SDCBP: variants seen among roughly 807,000 people sequenced by gnomAD.
SDCBP encodes syntenin-1.
In SDCBP, 22 loss-of-function variants were observed where a neutral mutation model predicts 30.5. The observed-to-expected ratio is 0.72, with a 90% CI of 0.52 to 1.03. SDCBP has a LOEUF of 1.03. SDCBP is among the 50% of genes least tolerant of loss of function. SDCBP has a pLI of 0.00. For missense variants in SDCBP, 304 were observed against 369.9 expected, an observed-to-expected ratio of 0.82 and a Z score of 1.46; for synonymous variants, 103 against 118.7, an observed-to-expected ratio of 0.87 and a Z score of 0.86.
chr8:58,570,797 T>G lies in SDCBP; in HGVS notation c.52-90T>G, dbSNP rs1002896513. 5 of 827,254 alleles carry G rather than the reference T, an allele frequency of 6.0e-6. No homozygotes were observed. The Admixed American group carries it at 1.2e-4, about 19-fold the overall frequency. 51.2% of individuals were successfully genotyped at this position (827,254 alleles called of 1,614,324 possible). A position where few individuals can be genotyped will look rare whatever the true frequency, so the allele number is the denominator to read the frequency against. On this transcript the variant is annotated intron_variant, in intron 2 of 8. Coordinates refer to ENST00000260130, the MANE Select transcript of SDCBP (RefSeq NM_005625.4). ...ATAAATCTTCATTGTTTTAGTTTCT[T>G]TTTGGAAGTACTGGATTTAGCTTAT...
intron 4 of SDCBP, among the ~76,000 whole-genome samples, chr8:58,572,798 A>ATTT (rs1805098884): frequency 8.6e-6 from 1 of 116,744 alleles, no homozygotes; most frequent in Non-Finnish European, 1.7e-5. Flanking sequence ...GTTGCTCATA[A>ATTT]TCTTTTTTTT....
chr8:58,571,062 C>A, intron 3 of SDCBP, 97 bp downstream of exon 3: 1 of 814,934 alleles, frequency 1.2e-6, no homozygotes, highest in Non-Finnish European at 2.0e-6. Flanking sequence ...GGACAGGCTG[C>A]ATAAAATTGG....
intron 7 of SDCBP, 102 bp downstream of exon 7, chr8:58,579,896 G>A: frequency 8.9e-7 from 1 of 1,125,608 alleles, no homozygotes; most frequent in Non-Finnish European, 1.2e-6. Flanking sequence ...TTAGGTGGGA[G>A]ATGGGGAACG....
At chr8:58,576,756 T>C (rs985918878) in intron 5 of SDCBP, among the ~76,000 whole-genome samples, 5 of 152,242 alleles carry the variant, frequency 3.3e-5, no homozygotes, top group African/African-American at 1.2e-4. Context: ...GTTGAGTCTT[T>C]ACCCCAATTT....
intron 6 of SDCBP, chr8:58,578,482 G>T: frequency 4.0e-6 from 1 of 251,782 alleles, no homozygotes; most frequent in East Asian, 9.3e-5. Flanking sequence ...GCATCTCTGG[G>T]CTCACTTTCC....
chr8:58,566,068 CTTTGATGCCTCAAAG>C (rs2129607712), intron 2 of SDCBP, among the ~76,000 whole-genome samples: 1 of 152,250 alleles, frequency 6.6e-6, no homozygotes, highest in Non-Finnish European at 1.5e-5. Flanking sequence ...GCTGCCAAGG[CTTTGATGCCTCAAAG>C]TTTCAAGTGG....
chr8:58,582,046 C>T lies in SDCBP; in HGVS notation c.*306C>T, dbSNP rs756998326. ...GCCATTGTGATTAGGATGACTGTTA[C>T]AGGCTTAGCTTTGTGTGAAAACCAG... is the stretch of plus-strand genomic sequence containing the variant. On this transcript the variant is annotated 3_prime_UTR_variant, in exon 9 of 9. Transcript: ENST00000260130. 9.9e-5 allele frequency: 34 copies of T among 343,864 alleles called. No individual in the cohort carries two copies. Among genetic ancestry groups the T allele is most frequent in the Non-Finnish European group, 1.5e-4 (27 of 184,784 alleles). The allele number at this position is 343,864 out of a possible 1,614,324, so 21.3% of individuals were successfully genotyped here. A position where few individuals can be genotyped will look rare whatever the true frequency, so the allele number is the denominator to read the frequency against.
At chr8:58,579,352 C>T (rs1805541532) in intron 6 of SDCBP, among the ~76,000 whole-genome samples, 1 of 151,942 alleles carries the variant, frequency 6.6e-6, no homozygotes, top group Non-Finnish European at 1.5e-5. Flanking sequence ...AAAAGAAAAA[C>T]ATATTGATAA....
At chr8:58,578,286 A>T (rs1301994076) in intron 6 of SDCBP, 78 bp downstream of exon 6, 1 of 1,097,800 alleles carries the variant, frequency 9.1e-7, no homozygotes, top group Admixed American at 2.8e-5. Context: ...GTTTGTGAGT[A>T]TATTATTTTG....
At chr8:58,561,641 A>G (rs1656913891) in intron 1 of SDCBP, 4 of 489,964 alleles carry the variant, frequency 8.2e-6, no homozygotes, top group Non-Finnish European at 1.4e-5. Context: ...GAGAAATAAG[A>G]TTCTCAAAAT....
At chr8:58,581,625 G>A in intron 8 of SDCBP, 61 bp from the exon 9 acceptor site, 3 of 1,256,452 alleles carry the variant, frequency 2.4e-6, no homozygotes, top group Non-Finnish European at 3.5e-6. Context: ...TTGGATTAAT[G>A]TAGCATTTTG....
At chr8:58,554,116 T>A (rs1803971446) in intron 1 of SDCBP, among the ~76,000 whole-genome samples, 1 of 152,116 alleles carries the variant, frequency 6.6e-6, no homozygotes, top group Non-Finnish European at 1.5e-5. Context: ...TTGAAAGGAG[T>A]TTGTAGATTA....
At chr8:58,572,720 T>C (rs894356026) in intron 4 of SDCBP, among the ~76,000 whole-genome samples, 1 of 151,994 alleles carries the variant, frequency 6.6e-6, no homozygotes, top group African/African-American at 2.4e-5. Context: ...AGTAACTTAT[T>C]TCAGACAGTA....
chr8:58,554,577 T>C (rs1427646484), intron 1 of SDCBP, among the ~76,000 whole-genome samples: 4 of 152,198 alleles, frequency 2.6e-5, no homozygotes, highest in Non-Finnish European at 5.9e-5. Context: ...AACTTTTAGT[T>C]TTGGGCATTA....
intron 2 of SDCBP, 174 bp from the exon 3 acceptor site, chr8:58,570,708 TTTTGA>T: frequency 1.9e-6 from 1 of 535,900 alleles, no homozygotes; most frequent in Non-Finnish European, 3.3e-6. Context: ...TCAAATATAG[TTTTGA>T]TTTGCAGATT....
chr8:58,555,992 T>G (rs1804076045), intron 1 of SDCBP, among the ~76,000 whole-genome samples: 1 of 152,158 alleles, frequency 6.6e-6, no homozygotes, highest in South Asian at 2.1e-4. Context: ...CTTCAACAAA[T>G]TATCACTCCA....
At chr8:58,574,108 T>C (rs1805195367) in intron 4 of SDCBP, among the ~76,000 whole-genome samples, 1 of 152,208 alleles carries the variant, frequency 6.6e-6, no homozygotes, top group South Asian at 2.1e-4. Context: ...TGAAGCCATG[T>C]ACCCTTCAAT....
intron 7 of SDCBP, 168 bp downstream of exon 7, chr8:58,579,962 G>C (rs553521668): frequency 3.8e-6 from 2 of 528,102 alleles, no homozygotes; most frequent in East Asian, 6.2e-5. Flanking sequence ...CTGTCATCTA[G>C]AACTACAGTT....
rs989618777 is a variant in SDCBP at position 58,576,021 on chromosome 8, A to G, written c.362A>G (p.Gln121Arg). 19 of 1,613,584 alleles carry G rather than the reference A, an allele frequency of 1.2e-5. No individual in the cohort carries two copies. Among genetic ancestry groups the G allele is most frequent in the South Asian group, 4.4e-5 (4 of 91,056 alleles). ...GIREVILCKD[Q>R]DGKIGLRLKS... ...CGTGAAGTCATTTTGTGTAAGGATC[A>G]AGATGGAAAAATTGGACTCAGGCTT... The change falls in exon 5 of 9, where the codon CAA becomes CGA. Residue 121 changes from glutamine to arginine, a missense_variant. Coordinates refer to ENST00000260130, the MANE Select transcript of SDCBP (RefSeq NM_005625.4).
Sources: allele counts gnomAD v4.1 joint callset (sites outside exome capture counted in the v4.1 genomes callset), GRCh38; gene constraint gnomAD v4.1.1; transcripts MANE v1.5; gene names NCBI Gene and HGNC (gene_info 2026-07-23, HGNC 2026-07-21).